PTPRN2: variants seen among roughly 807,000 people sequenced by gnomAD.
PTPRN2 encodes the protein receptor-type tyrosine-protein phosphatase N2.
PTPRN2 carries 74 observed loss-of-function variants against 118.8 expected under a neutral mutation model. The ratio of observed to expected loss-of-function variants is 0.62; its 90% CI spans 0.52 to 0.76. The LOEUF (loss-of-function observed/expected upper bound fraction) is 0.76, where lower values mean the gene tolerates loss of function less well. PTPRN2 is among the 30% of genes least tolerant of loss of function. The pLI, the probability that PTPRN2 is intolerant of heterozygous loss-of-function variation, is 0.00. For synonymous variants in PTPRN2, 641 were observed against 608.0 expected (o/e 1.05, Z -0.80); for missense variants, 1,481 against 1,394.4 (o/e 1.06, Z -0.99).
chr7:158,094,456 C>T (rs1419183132), intron 10 of PTPRN2, among the ~76,000 whole-genome samples: 1 of 152,076 alleles, frequency 6.6e-6, no homozygotes, highest in Non-Finnish European at 1.5e-5. Context: ...ATTACAGGCA[C>T]CTGCCACCAT....
chr7:158,489,002 G>A (rs1031756431), intron 2 of PTPRN2, among the ~76,000 whole-genome samples: 2 of 152,260 alleles, frequency 1.3e-5, no homozygotes, highest in Non-Finnish European at 1.5e-5. Context: ...CTGCCTGACC[G>A]CGCTGGAGGG....
chr7:158,096,183 A>G (rs1161801960), intron 10 of PTPRN2, among the ~76,000 whole-genome samples: 1 of 152,196 alleles, frequency 6.6e-6, no homozygotes, highest in Non-Finnish European at 1.5e-5. Context: ...GAGTCTCTCC[A>G]ACCCTGTCAT....
chr7:158,449,961 G>A (rs747756869), intron 2 of PTPRN2, among the ~76,000 whole-genome samples: 2 of 152,198 alleles, frequency 1.3e-5, no homozygotes, highest in East Asian at 1.9e-4. Context: ...AGGATGCCGT[G>A]GTGCCACAGA....
At position 157,603,662 on chromosome 7, in the gene PTPRN2, A is replaced by G. The variant is rs989870627; in HGVS notation, c.2418+340T>C. On this transcript the variant is annotated intron_variant, in intron 16 of 22. Coordinates refer to ENST00000389418, the MANE Select transcript of PTPRN2 (RefSeq NM_002847.5). The surrounding 1 kb of genome is among the most constrained non-coding windows in gnomAD (Gnocchi z 5.4). Reference sequence around the variant, plus strand: ...CCCCATGCCCCATGAATATACAGGGAATGTGTAGCTCCAGGAAAGAGGAAC... The same window carrying G: ...CCCCATGCCCCATGAATATACAGGGGATGTGTAGCTCCAGGAAAGAGGAAC... Among the ~76,000 whole-genome samples, 3 of 152,132 alleles carry G rather than the reference A, an allele frequency of 2.0e-5. No homozygotes were observed. The highest frequency in any genetic ancestry group is 2.0e-4 in the Admixed American group (3 of 15,272).
intron 2 of PTPRN2, among the ~76,000 whole-genome samples, chr7:158,342,215 C>T (rs1436493106): frequency 7.5e-6 from 1 of 133,086 alleles, no homozygotes; most frequent in Non-Finnish European, 1.6e-5. Flanking sequence ...CCACACACGT[C>T]ACTCACACTC....
chr7:157,645,037 T>C (rs1804966979), intron 14 of PTPRN2, among the ~76,000 whole-genome samples: 1 of 152,180 alleles, frequency 6.6e-6, no homozygotes, highest in East Asian at 1.9e-4. Flanking sequence ...TATCACTGCC[T>C]CTCTCAGAGG....
chr7:158,270,314 A>G (rs11980156), intron 3 of PTPRN2, among the ~76,000 whole-genome samples: 6,598 of 152,212 alleles, frequency 0.043, 468 homozygotes, highest in African/African-American at 0.15. Flanking sequence ...GGCCAGCTTT[A>G]TAGGTGCAGA....
rs568263109 is a variant in PTPRN2, at chr7:157,556,801, CCA to C, written c.2903-7784_2903-7783del. 2.4e-3 allele frequency among the ~76,000 whole-genome samples: 335 copies of C among 137,630 alleles called. 1 individual carries two copies. Among genetic ancestry groups the C allele is most frequent in the African/African-American group, 8.4e-3 (298 of 35,588 alleles). 90.3% of individuals were successfully genotyped at this position (137,630 alleles called of 152,430 possible). ...TGCACACGCCCACAACATGCACATC[CCA>C]CACTCATGTCATACATATGCACACA... On this transcript the variant is annotated intron_variant, in intron 21 of 22. Coordinates refer to ENST00000389418, the MANE Select transcript of PTPRN2 (RefSeq NM_002847.5).
intron 7 of PTPRN2, among the ~76,000 whole-genome samples, chr7:158,137,379 C>T (rs868679279): frequency 5.3e-5 from 8 of 152,022 alleles, no homozygotes; most frequent in South Asian, 4.2e-4. Flanking sequence ...ATCACGTCAC[C>T]GCACTCCAGC....
chr7:157,652,495 T>C (rs900247932), intron 14 of PTPRN2, among the ~76,000 whole-genome samples: 4 of 152,358 alleles, frequency 2.6e-5, no homozygotes, highest in Non-Finnish European at 5.9e-5. Context: ...GCTCCACATC[T>C]AGACCTGACC....
chr7:157,716,699 C>T (rs1217868803), intron 12 of PTPRN2, among the ~76,000 whole-genome samples: 12 of 40,022 alleles, frequency 3.0e-4, no homozygotes, highest in African/African-American at 4.2e-4. Flanking sequence ...CCTGGTCACA[C>T]AGACTCTGCG....
chr7:157,831,569 G>T lies in PTPRN2; in HGVS notation c.1788+67104C>A, dbSNP rs529810406. 1.2e-3 allele frequency among the ~76,000 whole-genome samples: 190 copies of T among 152,292 alleles called. No individual in the cohort carries two copies. The highest frequency in any genetic ancestry group is 4.4e-3 in the African/African-American group (182 of 41,562). ...TGAGGCAGGGAAGAGGAGGAGCAGA[G>T]GAGTGGCTGGGAGGGTCTCAGTGAG... On this transcript the variant is annotated intron_variant, in intron 12 of 22. Coordinates refer to ENST00000389418, the MANE Select transcript of PTPRN2 (RefSeq NM_002847.5). This position sits in a 1 kb window ranked among gnomAD's most constrained non-coding sequence, Gnocchi z 4.8.
intron 2 of PTPRN2, among the ~76,000 whole-genome samples, chr7:158,407,994 A>G (rs1363418235): frequency 6.6e-6 from 1 of 152,228 alleles, no homozygotes; most frequent in Non-Finnish European, 1.5e-5. Context: ...ACTCAAGTCT[A>G]TGGAGCTTGT....
chr7:157,773,878 C>A (rs191934349), intron 12 of PTPRN2, among the ~76,000 whole-genome samples: 79 of 151,638 alleles, frequency 5.2e-4, no homozygotes, highest in Non-Finnish European at 1.1e-3. Flanking sequence ...TAAACTCCAA[C>A]TGAGAGCTCT....
intron 12 of PTPRN2, among the ~76,000 whole-genome samples, chr7:157,789,286 G>A (rs373127173): frequency 2.0e-5 from 3 of 152,248 alleles, no homozygotes; most frequent in Admixed American, 6.5e-5. Context: ...GAAGCTCCCC[G>A]CCCGGTGCCG....
At chr7:157,576,937 C>A (rs1800085769) in intron 18 of PTPRN2, among the ~76,000 whole-genome samples, 158 bp from the exon 19 acceptor site, 2 of 152,204 alleles carry the variant, frequency 1.3e-5, no homozygotes, top group African/African-American at 4.8e-5. Context: ...GGCTTCGCGG[C>A]CCCCTCCCAC....
Position 158,166,937 on chromosome 7 carries a change from C to T in PTPRN2, c.904G>A (p.Gly302Ser). 1.4e-6 allele frequency: 2 copies of T among 1,426,792 alleles called. No homozygotes were observed. Among genetic ancestry groups the T allele is most frequent in the South Asian group, 1.6e-5 (1 of 62,744 alleles). 88.4% of individuals were successfully genotyped at this position (1,426,792 alleles called of 1,614,324 possible). A position where few individuals can be genotyped will look rare whatever the true frequency, so the allele number is the denominator to read the frequency against. ...CCAAGCGGGGCTGGCTCACCATCGCCTGTGCTGGAGGGGTCTTCGGAATCT... is the reference window on the plus strand; with the variant it reads ...CCAAGCGGGGCTGGCTCACCATCGCTTGTGCTGGAGGGGTCTTCGGAATCT... ...LGDSEDPSST[G>S]DGARIHTLLK... The change falls in exon 6 of 23, where the codon GGC becomes AGC. Residue 302 changes from glycine (G) to serine (S), a missense_variant. Physicochemically the swap from Gly to Ser is moderately conservative, Grantham distance 56 (BLOSUM62 0). Transcript: ENST00000389418.
rs1796702772 is a variant in PTPRN2 at position 157,889,943 on chromosome 7, CTG to C, written c.1788+8728_1788+8729del. Among the ~76,000 whole-genome samples, 3 of 152,256 alleles carry C rather than the reference CTG, an allele frequency of 2.0e-5. No homozygotes were observed. In the South Asian group the frequency reaches 6.2e-4, roughly 31 times the overall value. On this transcript the variant is annotated intron_variant, in intron 12 of 22. Coordinates refer to ENST00000389418, the MANE Select transcript of PTPRN2 (RefSeq NM_002847.5). ...TTACGTACATGGGCTTCTAACATCT[CTG>C]TGCACACACATGTTTACACAGCTGC...
At chr7:157,925,933 A>G (rs553523438) in intron 11 of PTPRN2, among the ~76,000 whole-genome samples, 2 of 152,320 alleles carry the variant, frequency 1.3e-5, no homozygotes, top group African/African-American at 4.8e-5. Context: ...CCCTTCTCCC[A>G]GAGATAAGGA....
Sources: gnomAD v4.1 joint callset for allele counts (sites outside exome capture counted in the v4.1 genomes callset) on GRCh38, gnomAD v4.1.1 for gene constraint, Gnocchi (gnomAD v3.1) non-coding constraint, MANE v1.5 for transcripts, NCBI Gene and HGNC (gene_info 2026-07-23, HGNC 2026-07-21) for gene names.